The following FYN variants were observed in gnomAD, a reference collection of about 807,000 sequenced individuals.
The protein encoded by FYN is tyrosine-protein kinase Fyn.
FYN carries 10 observed loss-of-function variants against 70.2 expected under a neutral mutation model. The observed-to-expected ratio is 0.14, with a 90% CI of 0.09 to 0.24. FYN has a LOEUF of 0.24. FYN is among the 10% of genes least tolerant of loss of function. The pLI, the probability that FYN is intolerant of heterozygous loss-of-function variation, is 1.00. For synonymous variants in FYN, 236 were observed against 248.6 expected, an observed-to-expected ratio of 0.95 and a Z score of 0.48; for missense variants, 319 against 673.1, an observed-to-expected ratio of 0.47 and a Z score of 5.82.
chr6:111,744,719 CTTAA>C (rs1388478972), intron 3 of FYN, among the ~76,000 whole-genome samples: 1 of 152,038 alleles, frequency 6.6e-6, no homozygotes, highest in Non-Finnish European at 1.5e-5. Context: ...CCATCCCCTG[CTTAA>C]TTAATGAGAT....
At chr6:111,718,281 G>C (rs114548933) in intron 4 of FYN, among the ~76,000 whole-genome samples, 2 of 152,216 alleles carry the variant, frequency 1.3e-5, no homozygotes, top group Non-Finnish European at 2.9e-5. Context: ...AGGACTGAAG[G>C]CAGTATTGGG....
At chr6:111,786,193 A>G (rs926102994) in intron 2 of FYN, among the ~76,000 whole-genome samples, 1 of 151,760 alleles carries the variant, frequency 6.6e-6, no homozygotes, top group African/African-American at 2.4e-5. Flanking sequence ...ATATCTCCCA[A>G]TGCTATCCCT....
At chr6:111,864,444 A>G (rs1470049332) in intron 1 of FYN, among the ~76,000 whole-genome samples, 6 of 152,194 alleles carry the variant, frequency 3.9e-5, no homozygotes, top group African/African-American at 1.4e-4. Context: ...TGACAAATCA[A>G]TCATAAAATA....
intron 2 of FYN, among the ~76,000 whole-genome samples, chr6:111,820,381 T>C (rs1278060244): frequency 6.6e-6 from 1 of 152,154 alleles, no homozygotes; most frequent in Non-Finnish European, 1.5e-5. Flanking sequence ...AACTAGCCAA[T>C]ATTTCTCCTA....
intron 2 of FYN, among the ~76,000 whole-genome samples, chr6:111,837,434 T>C (rs2114441406): frequency 6.6e-6 from 1 of 152,258 alleles, no homozygotes; most frequent in East Asian, 1.9e-4. Flanking sequence ...TCAATTACCG[T>C]AGCATTATCT....
At chr6:111,862,131 T>C (rs1308172518) in intron 1 of FYN, among the ~76,000 whole-genome samples, 4 of 152,196 alleles carry the variant, frequency 2.6e-5, no homozygotes, top group Non-Finnish European at 5.9e-5. Context: ...TCGCCCATCA[T>C]TTATTACTGT....
chr6:111,842,127 A>G (rs1442453285), intron 2 of FYN, among the ~76,000 whole-genome samples: 9 of 152,160 alleles, frequency 5.9e-5, no homozygotes, highest in Non-Finnish European at 1.5e-5. Flanking sequence ...TTACTCAGTT[A>G]TACACTGAGG....
chr6:111,728,775 T>C lies in FYN; in HGVS notation c.-11-8713A>G, dbSNP rs1226923526. ...GATGGACATTTGGGTTTTTACGTTT[T>C]GGCTCTTATGAATAATACTGCAACA... On this transcript the variant is annotated intron_variant, in intron 3 of 13. Transcript: ENST00000354650. 5.3e-5 allele frequency among the ~76,000 whole-genome samples: 8 copies of C among 152,240 alleles called. No homozygotes were observed. In the East Asian group the frequency reaches 1.5e-3, roughly 29 times the overall value.
chr6:111,796,990 C>T (rs1340592704), intron 2 of FYN, among the ~76,000 whole-genome samples: 1 of 152,140 alleles, frequency 6.6e-6, no homozygotes, highest in Non-Finnish European at 1.5e-5. Context: ...AAACACCCAC[C>T]TCAGTGCTTG....
intron 3 of FYN, among the ~76,000 whole-genome samples, chr6:111,763,575 G>A (rs1803091891): frequency 6.6e-6 from 1 of 152,080 alleles, no homozygotes. Context: ...ATTTTATTGT[G>A]AACAATTTCA....
chr6:111,745,324 C>T (rs1802158732), intron 3 of FYN, among the ~76,000 whole-genome samples: 1 of 152,194 alleles, frequency 6.6e-6, no homozygotes. Context: ...CCTGAAGAAA[C>T]ACATACAGTG....
intron 2 of FYN, among the ~76,000 whole-genome samples, chr6:111,831,853 T>G (rs1318470884): frequency 6.6e-6 from 1 of 152,176 alleles, no homozygotes; most frequent in Non-Finnish European, 1.5e-5. Flanking sequence ...ATTCATTACA[T>G]ACATCCTCCT....
intron 2 of FYN, among the ~76,000 whole-genome samples, chr6:111,814,740 A>G (rs1433284584): frequency 6.6e-6 from 1 of 152,256 alleles, no homozygotes; most frequent in African/African-American, 2.4e-5. Context: ...TACTTGTTCT[A>G]TAACAAAAAG....
intron 2 of FYN, among the ~76,000 whole-genome samples, chr6:111,790,290 A>C (rs932039711): frequency 4.8e-5 from 7 of 144,452 alleles, no homozygotes; most frequent in Non-Finnish European, 1.1e-4. Context: ...ACACACACAC[A>C]CACACACATT....
intron 2 of FYN, among the ~76,000 whole-genome samples, chr6:111,824,699 T>C (rs1209856319): frequency 1.3e-5 from 2 of 152,218 alleles, no homozygotes; most frequent in East Asian, 3.8e-4. Context: ...GGTTTGGGTT[T>C]AGCTATTTTT....
In FYN at chr6:111,661,993, C is replaced by T. The variant is rs967886321; in HGVS notation, c.1406-46G>A. On this transcript the variant is annotated intron_variant, in intron 13 of 13. Coordinates refer to ENST00000354650, the MANE Select transcript of FYN (RefSeq NM_002037.5). This position sits in a 1 kb window ranked among gnomAD's most constrained non-coding sequence, Gnocchi z 4.0. The stretch of plus-strand genomic sequence containing the variant: ...AGAGTGGGCACCCCGGGGATCCAGG[C>T]CCTGACCGCCGCACTTGCAGATCCC... The T allele has an allele frequency of 2.0e-6, 3 of 1,484,520 alleles. No individual in the cohort carries two copies. The highest frequency in any genetic ancestry group is 2.0e-5 in the Admixed American group (1 of 50,612). 92.0% of individuals were successfully genotyped at this position (1,484,520 alleles called of 1,614,324 possible).
At position 111,799,015 on chromosome 6, in the gene FYN, A is replaced by G. The variant is rs950427411; in HGVS notation, c.-81-18380T>C. On this transcript the variant is annotated intron_variant, in intron 2 of 13. Coordinates refer to ENST00000354650, the MANE Select transcript of FYN (RefSeq NM_002037.5). ...CCAACCACAGCCAAAAGTAAAGTGG[A>G]ACTGGAAGATCTTGAAACGTTCAGG... Among the ~76,000 whole-genome samples the G allele has an allele frequency of 3.3e-5, 5 of 152,340 alleles. No homozygotes were observed. The East Asian group carries it at 9.6e-4, about 29-fold the overall frequency.
intron 7 of FYN, 99 bp from the exon 8 acceptor site, chr6:111,703,133 T>C (rs138389248): frequency 9.2e-7 from 1 of 1,087,174 alleles, no homozygotes; most frequent in East Asian, 2.4e-5. Flanking sequence ...TTACCAAGGA[T>C]GCACACACAC....
intron 2 of FYN, among the ~76,000 whole-genome samples, chr6:111,804,617 A>G (rs1046420917): frequency 1.3e-5 from 2 of 152,150 alleles, no homozygotes; most frequent in African/African-American, 4.8e-5. Flanking sequence ...TTTGGTCCCT[A>G]GTCTTTGTTC....
Sources: allele counts gnomAD v4.1 joint callset (sites outside exome capture counted in the v4.1 genomes callset), GRCh38; gene constraint gnomAD v4.1.1; non-coding constraint Gnocchi (gnomAD v3.1); transcripts MANE v1.5; gene names NCBI Gene and HGNC (gene_info 2026-07-23, HGNC 2026-07-21).